NTRK2: variants seen among roughly 807,000 people sequenced by gnomAD.
The protein encoded by NTRK2 is BDNF/NT-3 growth factors receptor.
In NTRK2, 13 loss-of-function variants were observed where a neutral mutation model predicts 94.5. The ratio of observed to expected loss-of-function variants is 0.14; its 90% confidence interval spans 0.09 to 0.22. NTRK2 has a LOEUF of 0.22. Ranked by LOEUF, NTRK2 falls within the 10% of genes least tolerant of loss-of-function variation. The probability of loss-of-function intolerance (pLI) is 1.00; values close to 1 mark genes in which losing one functional copy is unlikely to be tolerated. For missense variants in NTRK2, 639 were observed against 1,071.2 expected (o/e 0.60, Z 5.63); for synonymous variants, 372 against 407.4 (o/e 0.91, Z 1.05).
chr9:84,765,400 A>C (rs1277908765), intron 12 of NTRK2, among the ~76,000 whole-genome samples: 1 of 152,212 alleles, frequency 6.6e-6, no homozygotes, highest in Non-Finnish European at 1.5e-5. Context: ...TGCTTTCAGG[A>C]TTCCCTTTTG....
chr9:84,738,636 T>G (rs1016332182), intron 9 of NTRK2, among the ~76,000 whole-genome samples: 2 of 152,238 alleles, frequency 1.3e-5, no homozygotes, highest in Non-Finnish European at 2.9e-5. Context: ...TGGGGTCAGC[T>G]GTAGTAATGT....
chr9:84,842,009 C>T (rs2074212674), intron 12 of NTRK2, among the ~76,000 whole-genome samples: 1 of 152,182 alleles, frequency 6.6e-6, no homozygotes, highest in South Asian at 2.1e-4. Flanking sequence ...TGTTCAATCC[C>T]ATAGACAAAA....
chr9:84,713,454 GA>G (rs764448052), intron 6 of NTRK2, among the ~76,000 whole-genome samples: 5 of 152,084 alleles, frequency 3.3e-5, no homozygotes, highest in Admixed American at 6.5e-5. Context: ...TATCATCTGG[GA>G]TTTTATTTTT....
intron 14 of NTRK2, among the ~76,000 whole-genome samples, chr9:84,882,926 G>A (rs914205717): frequency 5.3e-5 from 8 of 152,008 alleles, no homozygotes; most frequent in Admixed American, 6.6e-5. Flanking sequence ...ACCACACCCG[G>A]CTAATTTTTT....
intron 2 of NTRK2, among the ~76,000 whole-genome samples, chr9:84,677,513 G>A (rs2059132131): frequency 6.6e-6 from 1 of 152,156 alleles, no homozygotes; most frequent in African/African-American, 2.4e-5. Flanking sequence ...GCCCTTTACA[G>A]ACATCTGCTT....
chr9:84,721,651 A>C (rs1390860391), intron 6 of NTRK2, among the ~76,000 whole-genome samples: 1 of 152,174 alleles, frequency 6.6e-6, no homozygotes, highest in Non-Finnish European at 1.5e-5. Flanking sequence ...CTGAAACAGG[A>C]AAACCAACAA....
intron 2 of NTRK2, among the ~76,000 whole-genome samples, chr9:84,678,403 G>T (rs1283989468): frequency 6.6e-6 from 1 of 152,178 alleles, no homozygotes; most frequent in African/African-American, 2.4e-5. Context: ...AAAGGTATCG[G>T]AATTTTGGTT....
rs980214037 is a variant in NTRK2, at chr9:84,794,752, G to A, written c.1396+42667G>A. 2.0e-5 allele frequency among the ~76,000 whole-genome samples: 3 copies of A among 152,280 alleles called. No homozygotes were observed. The South Asian group carries it at 6.2e-4, about 32-fold the overall frequency. On this transcript the variant is annotated intron_variant, in intron 12 of 18. Coordinates refer to ENST00000277120, the MANE Select transcript of NTRK2 (RefSeq NM_006180.6). The stretch of plus-strand genomic sequence containing the variant: ...TCTTGCATATAAAGGGACTTTGGGA[G>A]TCTAGGACAGAGGTTGAACCTAATG...
rs537626207 is a variant in NTRK2, at chr9:84,854,114, A to G, written c.1397-6926A>G. 2.6e-5 allele frequency among the ~76,000 whole-genome samples: 4 copies of G among 151,884 alleles called. No homozygotes were observed. The East Asian group carries it at 7.7e-4, about 29-fold the overall frequency. ...AGAAAAGAAAAAAGAAAAAAAAAAG[A>G]AACAAACAAAAAAAGGAGCTTCTCT... is the stretch of plus-strand genomic sequence containing the variant. On this transcript the variant is annotated intron_variant, in intron 12 of 18. Coordinates refer to ENST00000277120, the MANE Select transcript of NTRK2 (RefSeq NM_006180.6).
At position 84,955,395 on chromosome 9, in the gene NTRK2, G is replaced by A. The variant is rs2132975836; in HGVS notation, c.2050G>A (p.Ala684Thr). The change falls in exon 17 of 19, where the codon GCG (alanine) becomes ACG (threonine). Residue 684 changes from alanine (A) to threonine (T), a missense_variant. This residue lies in a region of NTRK2 where 343 missense variants were observed against 571.5 expected (regional missense o/e 0.60). Coordinates refer to ENST00000277120, the MANE Select transcript of NTRK2 (RefSeq NM_006180.6). ...QQIAAGMVYL[A>T]SQHFVHRDLA... ...GATCGCCGCGGGCATGGTCTACCTG[G>A]CGTCCCAGCACTTCGTGCACCGCGA... 1 of 1,614,220 alleles carries A rather than the reference G, an allele frequency of 6.2e-7. No individual in the cohort carries two copies. The highest frequency in any genetic ancestry group is 8.5e-7 in the Non-Finnish European group (1 of 1,180,024).
At chr9:84,837,066 G>A (rs182165416) in intron 12 of NTRK2, among the ~76,000 whole-genome samples, 227 of 151,396 alleles carry the variant, frequency 1.5e-3, no homozygotes, top group African/African-American at 5.3e-3. Flanking sequence ...CACAGAGTAG[G>A]CATTCAGTAA....
At chr9:84,912,002 T>C (rs1389764722) in intron 14 of NTRK2, among the ~76,000 whole-genome samples, 1 of 152,214 alleles carries the variant, frequency 6.6e-6, no homozygotes, top group Non-Finnish European at 1.5e-5. Context: ...ATTTCCTATT[T>C]GACCCAAGGA....
At chr9:84,878,631 TA>T (rs35468448) in intron 14 of NTRK2, among the ~76,000 whole-genome samples, 3,122 of 135,552 alleles carry the variant, frequency 0.023, 36 homozygotes, top group Non-Finnish European at 0.034. Flanking sequence ...AGACTATGTC[TA>T]AAAAAAAAAA....
At chr9:84,841,886 A>G (rs754223658) in intron 12 of NTRK2, among the ~76,000 whole-genome samples, 15 of 152,252 alleles carry the variant, frequency 9.9e-5, no homozygotes, top group African/African-American at 3.1e-4. Context: ...GAATGAAAGA[A>G]TGAACATCCC....
chr9:84,695,282 T>C (rs527658136), intron 2 of NTRK2, among the ~76,000 whole-genome samples: 1 of 152,292 alleles, frequency 6.6e-6, no homozygotes, highest in East Asian at 1.9e-4. Context: ...TTCTTTTGAG[T>C]AATACCACTA....
intron 14 of NTRK2, among the ~76,000 whole-genome samples, chr9:84,902,046 A>T (rs1455899871): frequency 6.6e-6 from 1 of 152,060 alleles, no homozygotes; most frequent in African/African-American, 2.4e-5. Context: ...ATACAAAAAA[A>T]TTAGCCAGGC....
intron 13 of NTRK2, among the ~76,000 whole-genome samples, chr9:84,863,349 A>G (rs1465585356): frequency 1.3e-5 from 2 of 152,222 alleles, no homozygotes; most frequent in East Asian, 3.8e-4. Context: ...TTCCAGACTT[A>G]ACTCATGTTT....
chr9:84,982,665 A>G (rs896529796), intron 17 of NTRK2, among the ~76,000 whole-genome samples: 1 of 152,218 alleles, frequency 6.6e-6, no homozygotes, highest in Non-Finnish European at 1.5e-5. Flanking sequence ...CAATGACAAA[A>G]TCACACTTTT....
intron 14 of NTRK2, among the ~76,000 whole-genome samples, chr9:84,898,129 G>C (rs773704932): frequency 1.2e-4 from 18 of 148,214 alleles, no homozygotes; most frequent in Admixed American, 4.1e-4. Context: ...ATTCACTTCT[G>C]TCTTTTTGGG....
Sources: allele counts gnomAD v4.1 joint callset (sites outside exome capture counted in the v4.1 genomes callset), GRCh38; gene constraint gnomAD v4.1.1; regional missense constraint gnomAD v4.1.1; transcripts MANE v1.5; gene names NCBI Gene and HGNC (gene_info 2026-07-23, HGNC 2026-07-21).